Variants in SCNN1B observed in about 807,000 individuals in gnomAD.
The protein encoded by SCNN1B is sodium channel epithelial 1 subunit beta.
In SCNN1B, 46 loss-of-function variants were observed where a neutral mutation model predicts 65.3. That is an observed-to-expected ratio of 0.70 (90% confidence interval 0.56 to 0.90). The LOEUF (loss-of-function observed/expected upper bound fraction) is 0.90, where lower values mean the gene tolerates loss of function less well. Among genes scored for constraint, SCNN1B ranks in the 40% least tolerant of loss-of-function variants. The pLI is 0.00. For missense variants in SCNN1B, 751 were observed against 830.5 expected (o/e 0.90, Z 1.18); for synonymous variants, 349 against 330.6 (o/e 1.06, Z -0.60).
chr16:23,380,676 A>G lies in SCNN1B; in HGVS notation c.1798A>G (p.Asn600Asp). Reference protein sequence around the residue: ...FQPDTAPRSPNTGPYPSEQAL... With the variant: ...FQPDTAPRSPDTGPYPSEQAL... ...GCCTGACACGGCCCCCCGCAGCCCCAACACTGGGCCCTACCCCAGTGAGCA... is the reference window on the plus strand; with the variant it reads ...GCCTGACACGGCCCCCCGCAGCCCCGACACTGGGCCCTACCCCAGTGAGCA... Residue 600 changes from asparagine to aspartate, a missense_variant, in exon 13 of 13, where the codon AAC becomes GAC. By Grantham distance (23) the Asn-to-Asp change is conservative. Coordinates refer to ENST00000343070, the MANE Select transcript of SCNN1B (RefSeq NM_000336.3). This position sits in a 1 kb window ranked among gnomAD's most constrained non-coding sequence, Gnocchi z 5.4. 2 of 1,612,084 alleles carry G rather than the reference A, an allele frequency of 1.2e-6. No homozygotes were observed. Among genetic ancestry groups the G allele is most frequent in the East Asian group, 4.5e-5 (2 of 44,796 alleles).
intron 7 of SCNN1B, among the ~76,000 whole-genome samples, chr16:23,374,573 CAAAAAAAAAAAA>C (rs1168924579): frequency 2.1e-5 from 1 of 48,326 alleles, no homozygotes; most frequent in Non-Finnish European, 4.2e-5. Context: ...GACTCCATCT[CAAAAAAAAAAAA>C]AAAAAAAAAA....
rs74012901 is a variant in SCNN1B at position 23,377,383 on chromosome 16, C to T, written c.1401C>T (p.Ser467=). The change falls in exon 10 of 13, where the codon TCC becomes TCT. Residue 467 remains serine, a synonymous_variant. Coordinates refer to ENST00000343070, the MANE Select transcript of SCNN1B (RefSeq NM_000336.3). ...ISMADWPSEA[S]EDWIFHVLSQ... The stretch of plus-strand genomic sequence containing the variant: ...TGGCTGACTGGCCTTCTGAGGCCTC[C>T]GAGGTGAGACAGTTGGGGGCCAAGC... 5.0e-4 allele frequency: 800 copies of T among 1,614,074 alleles called. 2 individuals are homozygous for T. The African/African-American group carries it at 9.4e-3, about 19-fold the overall frequency.
upstream of SCNN1B, among the ~76,000 whole-genome samples, chr16:23,301,129 C>T (rs141300234): frequency 9.9e-5 from 15 of 151,694 alleles, no homozygotes; most frequent in Non-Finnish European, 1.6e-4. Flanking sequence ...TTTGGGAGCC[C>T]GAGGCGGGTG....
intron 1 of SCNN1B, among the ~76,000 whole-genome samples, chr16:23,317,334 C>G (rs1354149504): frequency 6.6e-6 from 1 of 152,220 alleles, no homozygotes; most frequent in Non-Finnish European, 1.5e-5. Context: ...AAGGGAATCA[C>G]TCAGGGTGTC....
At chr16:23,311,574 C>T (rs1209634727) in intron 1 of SCNN1B, among the ~76,000 whole-genome samples, 1 of 152,176 alleles carries the variant, frequency 6.6e-6, no homozygotes, top group Admixed American at 6.6e-5. Context: ...ACCACCATCC[C>T]ACCTTACCCC....
chr16:23,358,892 G>C (rs1442472929), intron 4 of SCNN1B, among the ~76,000 whole-genome samples: 1 of 152,216 alleles, frequency 6.6e-6, no homozygotes, highest in East Asian at 1.9e-4. Flanking sequence ...GGGCGACAGG[G>C]GGAGACTCTC....
intron 2 of SCNN1B, among the ~76,000 whole-genome samples, chr16:23,292,523 A>C (rs964084084): frequency 3.3e-5 from 5 of 151,006 alleles, no homozygotes; most frequent in African/African-American, 1.2e-4. Context: ...TATTTCTTTG[A>C]GACACGGTCT....
At chr16:23,368,832 G>A (rs1466476610) in intron 5 of SCNN1B, among the ~76,000 whole-genome samples, 1 of 152,148 alleles carries the variant, frequency 6.6e-6, no homozygotes, top group Non-Finnish European at 1.5e-5. Context: ...ACCTGTAAGT[G>A]GGAGCTAAAT....
At chr16:23,293,326 T>G (rs1960953539) in intron 2 of SCNN1B, among the ~76,000 whole-genome samples, 1 of 152,008 alleles carries the variant, frequency 6.6e-6, no homozygotes, top group Admixed American at 6.6e-5. Flanking sequence ...TGGAATATTA[T>G]TTAGCATTTT....
intron 1 of SCNN1B, among the ~76,000 whole-genome samples, chr16:23,324,417 G>T (rs1467243469): frequency 6.6e-6 from 1 of 151,940 alleles, no homozygotes; most frequent in Non-Finnish European, 1.5e-5. Flanking sequence ...TGCCCAGGCT[G>T]GTCTGGAACT....
chr16:23,317,555 A>G (rs1961497996), intron 1 of SCNN1B, among the ~76,000 whole-genome samples: 2 of 152,108 alleles, frequency 1.3e-5, no homozygotes, highest in Admixed American at 1.3e-4. Flanking sequence ...GCTGCCGCCA[A>G]TCCGGTCTGA....
chr16:23,371,692 C>A, intron 6 of SCNN1B, 84 bp from the exon 7 acceptor site: 1 of 1,232,446 alleles, frequency 8.1e-7, no homozygotes, highest in Non-Finnish European at 1.2e-6. Flanking sequence ...AGCCCTCTGT[C>A]CCCAAATGCT....
chr16:23,308,834 C>T (rs1425176661), intron 1 of SCNN1B, among the ~76,000 whole-genome samples: 1 of 152,072 alleles, frequency 6.6e-6, no homozygotes, highest in African/African-American at 2.4e-5. Context: ...GGTTTCACCA[C>T]GTTGGCCAGG....
rs145803518 is a variant in SCNN1B at position 23,329,522 on chromosome 16, C to A, written c.-8-19070C>A. On this transcript the variant is annotated intron_variant, in intron 1 of 12. Transcript: ENST00000343070. ...AATAAGAGCTGATGCACCCATAGTG[C>A]TGTGAACTACACATTGTTTTAAGCA... is the stretch of plus-strand genomic sequence containing the variant. Among the ~76,000 whole-genome samples, 324 of 152,322 alleles carry A rather than the reference C, an allele frequency of 2.1e-3. 2 individuals carry two copies. Among genetic ancestry groups the A allele is most frequent in the Non-Finnish European group, 3.6e-3 (244 of 68,036 alleles).
rs116554485 is a variant in SCNN1B at position 23,380,214 on chromosome 16, A to C, written c.1542+45A>C. 1.9e-6 allele frequency: 3 copies of C among 1,546,876 alleles called. No homozygotes were observed. In the South Asian group the frequency reaches 3.3e-5, roughly 17 times the overall value. ...AATACCCCAGCCCTGCCCTGCCCTG[A>C]CCCCTGCACCCTGAGGGTGGGGGAA... is the stretch of plus-strand genomic sequence containing the variant. On this transcript the variant is annotated intron_variant, in intron 12 of 12. Transcript: ENST00000343070. The surrounding 1 kb of genome is among the most constrained non-coding windows in gnomAD (Gnocchi z 5.4).
chr16:23,371,641 C>A, intron 6 of SCNN1B, 135 bp from the exon 7 acceptor site: 1 of 993,130 alleles, frequency 1.0e-6, no homozygotes, highest in Non-Finnish European at 1.6e-6. Context: ...AGCCCTCTGG[C>A]GCCCCCTCTG....
At chr16:23,344,352 A>G (rs1051232185) in intron 1 of SCNN1B, among the ~76,000 whole-genome samples, 5 of 152,206 alleles carry the variant, frequency 3.3e-5, no homozygotes, top group Non-Finnish European at 7.3e-5. Context: ...CCTTGACTAA[A>G]TCAGAATAAT....
rs1963038777 is a variant in SCNN1B at position 23,380,912 on chromosome 16, G to A, written c.*111G>A. ...AAAGGGTCGGGAGGGTAGCTCTCCA[G>A]GCCAGAGCTTGTGTCCTTCAACAGA... is the stretch of plus-strand genomic sequence containing the variant. On this transcript the variant is annotated 3_prime_UTR_variant, in exon 13 of 13. Coordinates refer to ENST00000343070, the MANE Select transcript of SCNN1B (RefSeq NM_000336.3). This position sits in a 1 kb window ranked among gnomAD's most constrained non-coding sequence, Gnocchi z 5.4. 2.5e-6 allele frequency: 3 copies of A among 1,210,718 alleles called. No individual in the cohort carries two copies. Among genetic ancestry groups the A allele is most frequent in the Non-Finnish European group, 3.6e-6 (3 of 822,026 alleles). 75.0% of individuals were successfully genotyped at this position (1,210,718 alleles called of 1,614,324 possible). A position where few individuals can be genotyped will look rare whatever the true frequency, so the allele number is the denominator to read the frequency against.
Position 23,303,563 on chromosome 16 carries a change from C to T in SCNN1B, c.-9+1126C>T, listed in dbSNP as rs555593282. On this transcript the variant is annotated intron_variant, in intron 1 of 12. Coordinates refer to ENST00000343070, the MANE Select transcript of SCNN1B (RefSeq NM_000336.3). ...ATAATTTGGAGTGTTTCCTTCTAGA[C>T]CCTTTCCCCCACCTACACAGTCATA... Among the ~76,000 whole-genome samples, 31 of 152,238 alleles carry T rather than the reference C, an allele frequency of 2.0e-4. No individual in the cohort carries two copies. The South Asian group carries it at 6.4e-3, about 32-fold the overall frequency.
Sources: gnomAD v4.1 joint callset for allele counts (sites outside exome capture counted in the v4.1 genomes callset) on GRCh38, gnomAD v4.1.1 for gene constraint, Gnocchi (gnomAD v3.1) non-coding constraint, MANE v1.5 for transcripts, NCBI Gene and HGNC (gene_info 2026-07-23, HGNC 2026-07-21) for gene names.